ITGBL1: variants seen among roughly 807,000 people sequenced by gnomAD.
The protein encoded by ITGBL1 is integrin subunit beta like 1, also known as integrin beta-like protein 1.
Under a neutral mutation model 68.5 loss-of-function variants are expected in ITGBL1, and 51 were observed. The observed-to-expected ratio is 0.74, with a 90% CI of 0.59 to 0.94. The LOEUF is 0.94. Among genes scored for constraint, ITGBL1 ranks in the 40% least tolerant of loss-of-function variants. The probability of loss-of-function intolerance (pLI) is 0.00; values close to 1 mark genes in which losing one functional copy is unlikely to be tolerated. For missense variants in ITGBL1, 649 were observed against 647.4 expected, an observed-to-expected ratio of 1.00 and a Z score of -0.03; for synonymous variants, 209 against 227.3, an observed-to-expected ratio of 0.92 and a Z score of 0.72.
At chr13:101,664,918 G>C (rs1299375043) in intron 7 of ITGBL1, among the ~76,000 whole-genome samples, 1 of 152,188 alleles carries the variant, frequency 6.6e-6, no homozygotes, top group African/African-American at 2.4e-5. Context: ...ATTTTTAGTA[G>C]AGATGATGTT....
At chr13:101,521,145 G>A (rs116501089) in intron 2 of ITGBL1, among the ~76,000 whole-genome samples, 1,993 of 152,302 alleles carry the variant, frequency 0.013, 49 homozygotes, top group African/African-American at 0.045. Flanking sequence ...GCTAATGTAA[G>A]AGCTGTGTTT....
At chr13:101,610,662 T>C (rs186101406) in intron 7 of ITGBL1, among the ~76,000 whole-genome samples, 1 of 152,300 alleles carries the variant, frequency 6.6e-6, no homozygotes, top group African/African-American at 2.4e-5. Context: ...TATAGCTACT[T>C]TCTTGCTGTA....
intron 2 of ITGBL1, among the ~76,000 whole-genome samples, chr13:101,559,673 G>A (rs1212508454): frequency 6.6e-6 from 1 of 151,974 alleles, no homozygotes; most frequent in Non-Finnish European, 1.5e-5. Context: ...GGCTGTCATG[G>A]GAAAAACATA....
intron 9 of ITGBL1, among the ~76,000 whole-genome samples, chr13:101,708,973 C>CACCTACCT (rs1470054403): frequency 6.6e-6 from 1 of 152,238 alleles, no homozygotes; most frequent in Non-Finnish European, 1.5e-5. Context: ...CCCCTAGAAA[C>CACCTACCT]ACCTACCTTG....
At chr13:101,697,435 G>A (rs2034028392) in intron 8 of ITGBL1, among the ~76,000 whole-genome samples, 2 of 152,080 alleles carry the variant, frequency 1.3e-5, no homozygotes, top group Admixed American at 6.6e-5. Flanking sequence ...CACATTGTAT[G>A]GTATCCTCAG....
intron 7 of ITGBL1, among the ~76,000 whole-genome samples, chr13:101,653,193 A>AGGAGGG (rs1448669332): frequency 1.5e-4 from 23 of 150,228 alleles, no homozygotes; most frequent in African/African-American, 5.6e-4. Flanking sequence ...GAGGAGGAGG[A>AGGAGGG]GGAGGGGAGG....
chr13:101,530,921 G>A (rs1212997952), intron 2 of ITGBL1, among the ~76,000 whole-genome samples: 1 of 152,136 alleles, frequency 6.6e-6, no homozygotes, highest in African/African-American at 2.4e-5. Flanking sequence ...GTGTCTGGTT[G>A]GGTCTAGATT....
At chr13:101,607,550 G>C (rs1261259173) in intron 7 of ITGBL1, among the ~76,000 whole-genome samples, 1 of 151,536 alleles carries the variant, frequency 6.6e-6, no homozygotes, top group Admixed American at 6.6e-5. Context: ...TTATATTCTT[G>C]CAGCAGGATT....
At chr13:101,692,822 TA>T in intron 8 of ITGBL1, 121 bp downstream of exon 8, 2 of 722,912 alleles carry the variant, frequency 2.8e-6, no homozygotes, top group Non-Finnish European at 5.0e-6. Flanking sequence ...GAAAGCAATA[TA>T]CCATTGAACC....
chr13:101,682,824 TTTA>T (rs2033674588), intron 7 of ITGBL1, among the ~76,000 whole-genome samples: 1 of 152,074 alleles, frequency 6.6e-6, no homozygotes, highest in Admixed American at 6.6e-5. Context: ...TATGGTCAAA[TTTA>T]TTAATATTGT....
chr13:101,515,540 C>T (rs2049181440), intron 2 of ITGBL1, among the ~76,000 whole-genome samples: 1 of 152,102 alleles, frequency 6.6e-6, no homozygotes, highest in South Asian at 2.1e-4. Flanking sequence ...TGGGATACCT[C>T]TCAGGGTTTT....
In ITGBL1 at chr13:101,558,889, G is replaced by C. The variant is rs180986253; in HGVS notation, c.317-8810G>C. On this transcript the variant is annotated intron_variant, in intron 2 of 10. Coordinates refer to ENST00000376180, the MANE Select transcript of ITGBL1 (RefSeq NM_004791.3). Reference sequence around the variant, plus strand: ...TTTCCTGAATCCCAAACTAGTGCTTGTGTATTTGTATTTGTGTGTGTATGT... The same window carrying C: ...TTTCCTGAATCCCAAACTAGTGCTTCTGTATTTGTATTTGTGTGTGTATGT... Among the ~76,000 whole-genome samples the C allele has an allele frequency of 3.5e-3, 484 of 138,764 alleles. 7 individuals carry two copies. Among genetic ancestry groups the C allele is most frequent in the Admixed American group, 0.032 (421 of 13,170 alleles). 91.0% of individuals were successfully genotyped at this position (138,764 alleles called of 152,430 possible). A position where few individuals can be genotyped will look rare whatever the true frequency, so the allele number is the denominator to read the frequency against.
chr13:101,522,800 A>G (rs1422038091), intron 2 of ITGBL1, among the ~76,000 whole-genome samples: 1 of 152,222 alleles, frequency 6.6e-6, no homozygotes, highest in Non-Finnish European at 1.5e-5. Flanking sequence ...CTTTAAACCC[A>G]GACACAAGAA....
intron 2 of ITGBL1, among the ~76,000 whole-genome samples, chr13:101,480,434 C>G (rs1594835603): frequency 6.6e-6 from 1 of 151,436 alleles, no homozygotes; most frequent in East Asian, 1.9e-4. Flanking sequence ...GCTATTTTTT[C>G]CATTTGATAA....
intron 6 of ITGBL1, among the ~76,000 whole-genome samples, chr13:101,585,886 T>C (rs2050547797): frequency 6.6e-6 from 1 of 152,212 alleles, no homozygotes; most frequent in Non-Finnish European, 1.5e-5. Flanking sequence ...CACTCTCTTG[T>C]GAAATCCATA....
chr13:101,598,325 C>T (rs201610006), intron 7 of ITGBL1, 26 bp downstream of exon 7: 10 of 1,541,494 alleles, frequency 6.5e-6, no homozygotes, highest in Non-Finnish European at 8.7e-6. Flanking sequence ...CAGGGCTTCC[C>T]ACGGCCTCTC....
chr13:101,706,572 A>T (rs2034267771), intron 8 of ITGBL1, among the ~76,000 whole-genome samples, 184 bp from the exon 9 acceptor site: 1 of 152,242 alleles, frequency 6.6e-6, no homozygotes, highest in South Asian at 2.1e-4. Context: ...CAAATTTATT[A>T]TGTTAAGCTA....
chr13:101,668,072 T>C (rs1292955686), intron 7 of ITGBL1, among the ~76,000 whole-genome samples: 1 of 152,170 alleles, frequency 6.6e-6, no homozygotes, highest in Non-Finnish European at 1.5e-5. Context: ...CTCTGTTAGA[T>C]GTTTTACAGT....
chr13:101,561,057 A>T (rs139818291), intron 2 of ITGBL1, among the ~76,000 whole-genome samples: 1 of 152,192 alleles, frequency 6.6e-6, no homozygotes, highest in Non-Finnish European at 1.5e-5. Context: ...ATCTGGAGAT[A>T]GATAGGCAGA....
Sources: allele counts gnomAD v4.1 joint callset (sites outside exome capture counted in the v4.1 genomes callset), GRCh38; gene constraint gnomAD v4.1.1; transcripts MANE v1.5; gene names NCBI Gene and HGNC (gene_info 2026-07-23, HGNC 2026-07-21).